DYNC2H1: variants seen among roughly 807,000 people sequenced by gnomAD.
DYNC2H1 encodes dynein cytoplasmic 2 heavy chain 1.
A neutral mutation model predicts 570.0 loss-of-function variants in DYNC2H1; 410 were observed. The observed-to-expected ratio is 0.72, with a 90% CI of 0.66 to 0.78. The LOEUF (loss-of-function observed/expected upper bound fraction) is 0.78. DYNC2H1 is among the 30% of genes least tolerant of loss of function. The pLI is 0.00. For missense variants in DYNC2H1, 4,865 were observed against 5,046.4 expected, an observed-to-expected ratio of 0.96 and a Z score of 1.09; for synonymous variants, 1,688 against 1,677.6, an observed-to-expected ratio of 1.01 and a Z score of -0.15.
Position 103,456,283 on chromosome 11 carries a change from G to A in DYNC2H1, c.12575G>A (p.Gly4192Asp), listed in dbSNP as rs753910176. Residue 4192 changes from glycine (G) to aspartate (D), a missense_variant, in exon 87 of 89, where the codon GGT (glycine) becomes GAT (aspartate). Transcript: ENST00000375735. ...ALRQETARAVGRSVDSLKFVA... is the reference protein window; with the variant it reads ...ALRQETARAVDRSVDSLKFVA... ...ATGCTTTACCTTTACAGGGCAGTGG[G>A]TCGTTCTGTGGATAGCCTTAAATTT... The A allele has an allele frequency of 1.9e-6, 3 of 1,608,244 alleles. No individual in the cohort carries two copies. The highest frequency in any genetic ancestry group is 1.7e-6 in the Non-Finnish European group (2 of 1,176,856).
chr11:103,397,633 G>A (rs1401608749), intron 83 of DYNC2H1, among the ~76,000 whole-genome samples: 24 of 152,214 alleles, frequency 1.6e-4, no homozygotes, highest in Admixed American at 1.6e-3. Flanking sequence ...GGTGGCTCAT[G>A]CCTGTAATCC....
rs1479450241 is a variant in DYNC2H1 at position 103,446,949 on chromosome 11, A to G, written c.12457-8237A>G. 1.3e-5 allele frequency among the ~76,000 whole-genome samples: 2 copies of G among 152,160 alleles called. No homozygotes were observed. The highest frequency in any genetic ancestry group is 2.9e-5 in the Non-Finnish European group (2 of 68,006). ...CCTGTTTTGCCACACTAAAAATTAA[A>G]TACTGTGCCAAAAAGTAATTTTTAA... On this transcript the variant is annotated intron_variant, in intron 85 of 88. Coordinates refer to ENST00000375735, the MANE Select transcript of DYNC2H1 (RefSeq NM_001377.3). The surrounding 1 kb of genome is among the most constrained non-coding windows in gnomAD (Gnocchi z 4.5).
At chr11:103,197,053 G>A (rs1304528659) in intron 47 of DYNC2H1, among the ~76,000 whole-genome samples, 1 of 152,176 alleles carries the variant, frequency 6.6e-6, no homozygotes, top group East Asian at 1.9e-4. Flanking sequence ...GACTTTCCTT[G>A]TATGGTAACA....
chr11:103,283,132 G>C (rs745976119), intron 73 of DYNC2H1, 47 bp downstream of exon 73: 2 of 1,469,918 alleles, frequency 1.4e-6, no homozygotes, highest in Non-Finnish European at 1.9e-6. Flanking sequence ...TTCTGTATTT[G>C]CATTGTTTCT....
chr11:103,207,473 A>G (rs12278490), intron 52 of DYNC2H1, among the ~76,000 whole-genome samples: 13,095 of 152,038 alleles, frequency 0.086, 1,903 homozygotes, highest in African/African-American at 0.3. Context: ...AGAGGGGGAT[A>G]GATCCAGGTA....
chr11:103,392,288 C>T (rs1185620449), intron 83 of DYNC2H1, among the ~76,000 whole-genome samples: 1 of 152,216 alleles, frequency 6.6e-6, no homozygotes, highest in African/African-American at 2.4e-5. Context: ...GGGCATAGGA[C>T]CCTCCAAGCC....
intron 31 of DYNC2H1, among the ~76,000 whole-genome samples, chr11:103,167,962 C>T (rs1014023506): frequency 1.3e-5 from 2 of 152,192 alleles, no homozygotes; most frequent in African/African-American, 4.8e-5. Flanking sequence ...ATGCACCACA[C>T]CTTGGGAATG....
intron 61 of DYNC2H1, among the ~76,000 whole-genome samples, chr11:103,235,275 G>A (rs1433064380): frequency 6.6e-6 from 1 of 151,650 alleles, no homozygotes; most frequent in Non-Finnish European, 1.5e-5. Context: ...TGAATCTTGT[G>A]CTTTATTTAC....
intron 60 of DYNC2H1, among the ~76,000 whole-genome samples, chr11:103,233,531 T>C (rs1323890766): frequency 6.6e-6 from 1 of 151,822 alleles, no homozygotes; most frequent in Non-Finnish European, 1.5e-5. Context: ...TAGTGGTAGA[T>C]GTTAGAGGGG....
chr11:103,428,719 G>T (rs552499184), intron 84 of DYNC2H1, among the ~76,000 whole-genome samples: 9 of 152,096 alleles, frequency 5.9e-5, no homozygotes, highest in Non-Finnish European at 1.0e-4. Context: ...CCTCATTTAA[G>T]TGGAATCATA....
chr11:103,173,455 G>A (rs1861660312), intron 35 of DYNC2H1, 150 bp downstream of exon 35: 2 of 507,390 alleles, frequency 3.9e-6, no homozygotes, highest in East Asian at 3.8e-5. Context: ...GCTATGAAAG[G>A]CTTTAGCATG....
Position 103,177,133 on chromosome 11 carries a change from G to A in DYNC2H1, c.5875-423G>A, listed in dbSNP as rs1223326233. Reference sequence around the variant, plus strand: ...TAGTTTCATTTTGATAATTTATTAGGATTTTAAGTGAGTCTCTTTATGTAG... The same window carrying A: ...TAGTTTCATTTTGATAATTTATTAGAATTTTAAGTGAGTCTCTTTATGTAG... On this transcript the variant is annotated intron_variant, in intron 37 of 88. Coordinates refer to ENST00000375735, the MANE Select transcript of DYNC2H1 (RefSeq NM_001377.3). The surrounding 1 kb of genome is among the most constrained non-coding windows in gnomAD (Gnocchi z 4.4). 3.3e-5 allele frequency among the ~76,000 whole-genome samples: 5 copies of A among 151,922 alleles called. No homozygotes were observed. The highest frequency in any genetic ancestry group is 7.4e-5 in the Non-Finnish European group (5 of 67,996).
intron 52 of DYNC2H1, among the ~76,000 whole-genome samples, chr11:103,208,433 T>G (rs943682841): frequency 6.6e-6 from 1 of 152,126 alleles, no homozygotes; most frequent in Non-Finnish European, 1.5e-5. Flanking sequence ...GAATTAGTGA[T>G]GAAGTACAAG....
intron 82 of DYNC2H1, among the ~76,000 whole-genome samples, chr11:103,347,750 A>G (rs1007892635): frequency 6.6e-5 from 10 of 152,168 alleles, no homozygotes; most frequent in Non-Finnish European, 1.3e-4. Flanking sequence ...TTACACAGCT[A>G]TTAGCACTTT....
chr11:103,197,486 T>C (rs529352552), intron 47 of DYNC2H1, among the ~76,000 whole-genome samples: 29 of 152,264 alleles, frequency 1.9e-4, no homozygotes, highest in Admixed American at 1.0e-3. Context: ...CTCACTCTCT[T>C]GCCCAGGCTG....
intron 84 of DYNC2H1, among the ~76,000 whole-genome samples, chr11:103,424,557 C>G (rs1013672269): frequency 6.6e-6 from 1 of 152,038 alleles, no homozygotes; most frequent in African/African-American, 2.4e-5. Context: ...CTAGAAACAG[C>G]TCAACATTCA....
intron 88 of DYNC2H1, among the ~76,000 whole-genome samples, chr11:103,474,711 T>TTATG (rs537002830): frequency 7.1e-4 from 108 of 152,272 alleles, no homozygotes; most frequent in African/African-American, 2.4e-3. Context: ...TTATTATTAT[T>TTATG]TATGTTAATA....
intron 82 of DYNC2H1, among the ~76,000 whole-genome samples, chr11:103,331,092 T>G (rs181289654): frequency 6.6e-6 from 1 of 152,318 alleles, no homozygotes; most frequent in Non-Finnish European, 1.5e-5. Context: ...TGCAGTTGCC[T>G]AAAAAGAAGT....
intron 60 of DYNC2H1, among the ~76,000 whole-genome samples, chr11:103,233,782 A>G (rs913670011): frequency 6.6e-6 from 1 of 151,592 alleles, no homozygotes; most frequent in African/African-American, 2.4e-5. Flanking sequence ...AATGCAGTAC[A>G]GCACGGAGGC....
Sources: gnomAD v4.1 joint callset for allele counts (sites outside exome capture counted in the v4.1 genomes callset) on GRCh38, gnomAD v4.1.1 for gene constraint, Gnocchi (gnomAD v3.1) non-coding constraint, MANE v1.5 for transcripts, NCBI Gene and HGNC (gene_info 2026-07-23, HGNC 2026-07-21) for gene names.